EML2: variants seen among roughly 807,000 people sequenced by gnomAD.
The protein encoded by EML2 is EMAP like 2.
EML2 carries 59 observed loss-of-function variants against 84.7 expected under a neutral mutation model. The observed-to-expected ratio is 0.70, with a 90% CI of 0.56 to 0.86. The LOEUF is 0.86. Among genes scored for constraint, EML2 ranks in the 40% least tolerant of loss-of-function variants. The probability of loss-of-function intolerance (pLI) is 0.00; values close to 1 mark genes in which losing one functional copy is unlikely to be tolerated. For missense variants in EML2, 818 were observed against 855.6 expected, an observed-to-expected ratio of 0.96 and a Z score of 0.55; for synonymous variants, 352 against 348.9, an observed-to-expected ratio of 1.01 and a Z score of -0.10.
In EML2 at chr19:45,621,592, CCGCCGTCGTGGG is replaced by C; in HGVS notation, c.875_886del (p.Ala292_Gly295del). On this transcript the variant is annotated inframe_deletion, in exon 10 of 19. Transcript: ENST00000245925. ...CCGCAGGGCGCAGAGCCCAAACACG[CCGCCGTCGTGGG>C]CGCCCAGCACCGCCTGTGTGATACG... The C allele has an allele frequency of 6.2e-7, 1 of 1,611,264 alleles. No individual in the cohort carries two copies. The highest frequency in any genetic ancestry group is 8.5e-7 in the Non-Finnish European group (1 of 1,179,796).
chr19:45,623,538 T>C (rs575716213), intron 9 of EML2: 1 of 151,232 alleles, frequency 6.6e-6, no homozygotes, highest in East Asian at 2.0e-4. Context: ...TAAAAAAAAA[T>C]TCTTTATTAA....
Position 45,632,995 on chromosome 19 carries a change from C to A in EML2, c.400-24G>T, listed in dbSNP as rs572449407. On this transcript the variant is annotated intron_variant, in intron 5 of 18. Transcript: ENST00000245925. The stretch of plus-strand genomic sequence containing the variant: ...GGCTGCAGGGAAGAGAGGCTTGTTA[C>A]CTTGGGGGTGCCAGCTGCTTGTCCC... 13 of 1,607,156 alleles carry A rather than the reference C, an allele frequency of 8.1e-6. No individual in the cohort carries two copies. In the East Asian group the frequency reaches 2.5e-4, roughly 31 times the overall value.
At chr19:45,633,226 T>C (rs1973290412) in intron 4 of EML2, 87 bp from the exon 5 acceptor site, 1 of 1,367,948 alleles carries the variant, frequency 7.3e-7, no homozygotes, top group Non-Finnish European at 1.0e-6. Flanking sequence ...ACAAATTGGC[T>C]GGTTGAGTTT....
chr19:45,638,436 T>C (rs562860938), intron 3 of EML2, 69 bp downstream of exon 3: 1 of 1,606,676 alleles, frequency 6.2e-7, no homozygotes, highest in East Asian at 2.2e-5. Flanking sequence ...AGGCCTGAGC[T>C]GCCTTGACCG....
At chr19:45,627,686 A>T (rs1408054046) in intron 7 of EML2, among the ~76,000 whole-genome samples, 2 of 152,212 alleles carry the variant, frequency 1.3e-5, no homozygotes, top group African/African-American at 2.4e-5. Flanking sequence ...ACTGTGCTCA[A>T]CATTTTACAA....
intron 11 of EML2, 123 bp downstream of exon 11, chr19:45,621,084 G>T: frequency 7.1e-7 from 1 of 1,413,746 alleles, no homozygotes; most frequent in Non-Finnish European, 9.7e-7. Flanking sequence ...TCAGGGCCAG[G>T]TCAGAGAAGG....
chr19:45,640,123 T>C (rs1181096297), upstream of EML2: 1 of 152,250 alleles, frequency 6.6e-6, no homozygotes, highest in Non-Finnish European at 1.5e-5. Context: ...TTGAGCAGAG[T>C]TGAAATGTGC....
intron 18 of EML2, among the ~76,000 whole-genome samples, chr19:45,610,969 G>C (rs1476233323): frequency 6.6e-6 from 1 of 152,192 alleles, no homozygotes; most frequent in Non-Finnish European, 1.5e-5. Flanking sequence ...TGAGACATAA[G>C]CAAATGTAGT....
chr19:45,617,755 C>T (rs1292829158), intron 12 of EML2, 58 bp from the exon 13 acceptor site: 2 of 1,531,118 alleles, frequency 1.3e-6, no homozygotes, highest in East Asian at 2.3e-5. Context: ...TCCATCTGGA[C>T]ATTCTCTTGC....
chr19:45,612,580 G>A (rs963058935), intron 18 of EML2, among the ~76,000 whole-genome samples: 1 of 152,068 alleles, frequency 6.6e-6, no homozygotes, highest in South Asian at 2.1e-4. Context: ...AGGCTGAGGT[G>A]GGCGGACCGC....
chr19:45,626,616 G>GCCA, intron 8 of EML2, 89 bp downstream of exon 8: 1 of 1,459,268 alleles, frequency 6.9e-7, no homozygotes, highest in Non-Finnish European at 9.3e-7. Context: ...CCAAACCCCT[G>GCCA]CCACCCTCTG....
chr19:45,645,597 G>C, upstream of EML2: 1 of 677,068 alleles, frequency 1.5e-6, no homozygotes, highest in South Asian at 2.1e-5. Flanking sequence ...GATCCCCCTA[G>C]GTACCGTCTG....
chr19:45,638,228 G>A (rs1033693825), intron 3 of EML2, among the ~76,000 whole-genome samples: 2 of 152,170 alleles, frequency 1.3e-5, no homozygotes, highest in South Asian at 2.1e-4. Context: ...GGCCAGGTAC[G>A]GGCTGGACTG....
At chr19:45,624,197 T>C (rs564599529) in intron 9 of EML2, among the ~76,000 whole-genome samples, 1 of 152,368 alleles carries the variant, frequency 6.6e-6, no homozygotes, top group East Asian at 1.9e-4. Flanking sequence ...ATAGATCCAC[T>C]GCCTGAGACA....
chr19:45,638,951 C>T (rs1974109637), intron 1 of EML2, 78 bp from the exon 2 acceptor site: 1 of 1,551,254 alleles, frequency 6.4e-7, no homozygotes, highest in Non-Finnish European at 8.9e-7. Context: ...CCTCCACCCC[C>T]ACCGCTCCCC....
chr19:45,645,252 G>A (rs776235704), upstream of EML2: 1 of 1,531,694 alleles, frequency 6.5e-7, no homozygotes. Flanking sequence ...GGCCAAGGTC[G>A]GAACTGAGGA....
chr19:45,633,193 C>T, intron 4 of EML2, 54 bp from the exon 5 acceptor site: 1 of 1,545,544 alleles, frequency 6.5e-7, no homozygotes, highest in South Asian at 1.2e-5. Context: ...AAGAGGCTCA[C>T]AGAGACCCAG....
chr19:45,619,646 G>C (rs1004219337), intron 11 of EML2, among the ~76,000 whole-genome samples: 1 of 152,202 alleles, frequency 6.6e-6, no homozygotes. Context: ...ATTACTGACC[G>C]AGCGCAGTCA....
At position 45,621,339 on chromosome 19, in the gene EML2, G is replaced by A; in HGVS notation, c.997-7C>T. The A allele has an allele frequency of 6.3e-7, 1 of 1,597,508 alleles. No homozygotes were observed. ...GGCCAAAGTCCTCAGGGACCTGGGT[G>A]GACAGATAAGAGGGAAGATGAGTAG... On this transcript the variant is annotated splice_polypyrimidine_tract_variant and splice_region_variant and intron_variant, in intron 10 of 18. Coordinates refer to ENST00000245925, the MANE Select transcript of EML2 (RefSeq NM_012155.4).
Sources: allele counts gnomAD v4.1 joint callset (sites outside exome capture counted in the v4.1 genomes callset), GRCh38; gene constraint gnomAD v4.1.1; transcripts MANE v1.5; gene names NCBI Gene and HGNC (gene_info 2026-07-23, HGNC 2026-07-21).